The following CALD1 variants were observed in gnomAD, a reference collection of about 807,000 sequenced individuals.
CALD1 encodes caldesmon.
In CALD1, 33 loss-of-function variants were observed where a neutral mutation model predicts 99.9. That is an observed-to-expected ratio of 0.33 (90% CI 0.25 to 0.44). The LOEUF is 0.44. Ranked by LOEUF, CALD1 falls within the 20% of genes least tolerant of loss-of-function variation. The pLI is 1.00. For synonymous variants in CALD1, 310 were observed against 325.0 expected, an observed-to-expected ratio of 0.95 and a Z score of 0.50; for missense variants, 861 against 962.1, an observed-to-expected ratio of 0.89 and a Z score of 1.39.
chr7:134,874,857 C>T (rs1022433296), intron 3 of CALD1, among the ~76,000 whole-genome samples: 1 of 152,022 alleles, frequency 6.6e-6, no homozygotes, highest in Non-Finnish European at 1.5e-5. Flanking sequence ...CTCTAAAGTC[C>T]CCTCTCAGAA....
intron 2 of CALD1, among the ~76,000 whole-genome samples, chr7:134,864,379 G>C (rs1196816385): frequency 6.8e-6 from 1 of 147,680 alleles, no homozygotes; most frequent in Non-Finnish European, 1.5e-5. Flanking sequence ...CAGTGTGTTT[G>C]GTGATTTGAA....
At chr7:134,745,639 C>T (rs903233326) in intron 1 of CALD1, 1 of 152,182 alleles carries the variant, frequency 6.6e-6, no homozygotes, top group Non-Finnish European at 1.5e-5. Context: ...GGGGCAATTG[C>T]CGTTCAGCTC....
chr7:134,745,865 TG>T (rs780602726), intron 1 of CALD1, among the ~76,000 whole-genome samples: 1 of 152,254 alleles, frequency 6.6e-6, no homozygotes, highest in Non-Finnish European at 1.5e-5. Flanking sequence ...TTGTTCTTTT[TG>T]CTGAGCATCC....
intron 1 of CALD1, among the ~76,000 whole-genome samples, chr7:134,827,643 A>G (rs973545400): frequency 6.6e-6 from 1 of 152,260 alleles, no homozygotes; most frequent in African/African-American, 2.4e-5. Flanking sequence ...CACAGGAAAG[A>G]GTGAGGACCA....
intron 1 of CALD1, among the ~76,000 whole-genome samples, chr7:134,799,931 AG>A (rs1797883136): frequency 6.6e-6 from 1 of 152,188 alleles, no homozygotes; most frequent in Non-Finnish European, 1.5e-5. Flanking sequence ...CTGATAAGAA[AG>A]GGCCAAGAGG....
intron 1 of CALD1, among the ~76,000 whole-genome samples, chr7:134,843,436 T>C (rs1019680166): frequency 6.6e-6 from 1 of 152,220 alleles, no homozygotes; most frequent in Admixed American, 6.5e-5. Flanking sequence ...TCATTTTATG[T>C]TTTCTCTTGA....
At chr7:134,814,136 G>A (rs560730281) in intron 1 of CALD1, among the ~76,000 whole-genome samples, 98 of 152,282 alleles carry the variant, frequency 6.4e-4, no homozygotes, top group African/African-American at 2.1e-3. Context: ...TTTTCAGGAA[G>A]GAATATAGCT....
intron 3 of CALD1, chr7:134,891,708 TTC>T: frequency 7.3e-7 from 1 of 1,376,648 alleles, no homozygotes; most frequent in Non-Finnish European, 9.8e-7. Context: ...GTTTTTTCCT[TTC>T]TTTTTTTTTT....
At chr7:134,891,663 G>A (rs929703880) in intron 3 of CALD1, 13 of 1,604,412 alleles carry the variant, frequency 8.1e-6, no homozygotes, top group East Asian at 4.5e-5. Flanking sequence ...CAGCCTGGCC[G>A]CGCTCTCCCA....
At chr7:134,823,874 GAAAGA>G (rs1329763364) in intron 1 of CALD1, among the ~76,000 whole-genome samples, 6 of 152,136 alleles carry the variant, frequency 3.9e-5, no homozygotes, top group Non-Finnish European at 1.5e-5. Context: ...ATCTGACAAA[GAAAGA>G]AAAGTATGTT....
At chr7:134,932,496 T>C (rs1805596319) in intron 4 of CALD1, among the ~76,000 whole-genome samples, 1 of 152,200 alleles carries the variant, frequency 6.6e-6, no homozygotes. Flanking sequence ...CTGCAAGTCG[T>C]TTATTTGTAA....
At chr7:134,764,895 A>G (rs377113431) in intron 1 of CALD1, among the ~76,000 whole-genome samples, 1 of 152,300 alleles carries the variant, frequency 6.6e-6, no homozygotes, top group East Asian at 1.9e-4. Flanking sequence ...TGTGCAGGGA[A>G]TTGTAGGAAA....
intron 1 of CALD1, among the ~76,000 whole-genome samples, chr7:134,756,135 C>T (rs537240598): frequency 7.9e-5 from 12 of 151,966 alleles, no homozygotes; most frequent in African/African-American, 2.7e-4. Flanking sequence ...AGGTGATCCA[C>T]CCGCCACGGC....
intron 7 of CALD1, among the ~76,000 whole-genome samples, chr7:134,943,007 A>T (rs1326705068): frequency 6.6e-6 from 1 of 152,208 alleles, no homozygotes; most frequent in Non-Finnish European, 1.5e-5. Flanking sequence ...TATTTTGGGC[A>T]GGAAAAAAAA....
chr7:134,883,827 G>C (rs979788803), intron 3 of CALD1, among the ~76,000 whole-genome samples: 3 of 152,232 alleles, frequency 2.0e-5, no homozygotes, highest in Non-Finnish European at 4.4e-5. Flanking sequence ...GCCAGTAGAA[G>C]CTGGCCGCGG....
At chr7:134,726,352 T>C in the CALD1 span, among the ~76,000 whole-genome samples, 3 of 147,680 alleles carry the variant, frequency 2.0e-5, no homozygotes, top group Admixed American at 6.8e-5. Flanking sequence ...TTGATCTTTA[T>C]ATATTATATG....
chr7:134,882,529 C>A (rs1185213026), intron 3 of CALD1, among the ~76,000 whole-genome samples: 2 of 152,126 alleles, frequency 1.3e-5, no homozygotes, highest in Non-Finnish European at 2.9e-5. Flanking sequence ...CATTATAAAT[C>A]AGATAATCAT....
At chr7:134,773,028 G>T (rs1796888558) in intron 1 of CALD1, among the ~76,000 whole-genome samples, 1 of 152,198 alleles carries the variant, frequency 6.6e-6, no homozygotes. Context: ...CTTGGAACTT[G>T]ATAATTTCAG....
chr7:134,812,957 C>T (rs1586005525), intron 1 of CALD1, among the ~76,000 whole-genome samples: 1 of 152,044 alleles, frequency 6.6e-6, no homozygotes, highest in South Asian at 2.1e-4. Flanking sequence ...TAAAGACCAG[C>T]AAAGGAGACT....
Sources: gnomAD v4.1 joint callset for allele counts (sites outside exome capture counted in the v4.1 genomes callset) on GRCh38, gnomAD v4.1.1 for gene constraint, MANE v1.5 for transcripts, NCBI Gene and HGNC (gene_info 2026-07-23, HGNC 2026-07-21) for gene names.